Variants in MCU observed in about 807,000 individuals in gnomAD.
MCU encodes mitochondrial calcium uniporter.
In MCU, 12 loss-of-function variants were observed where a neutral mutation model predicts 45.2. That is an observed-to-expected ratio of 0.27 (90% CI 0.17 to 0.43). The LOEUF (loss-of-function observed/expected upper bound fraction) is 0.43, where lower values mean the gene tolerates loss of function less well. Among genes scored for constraint, MCU ranks in the 20% least tolerant of loss-of-function variants. The pLI is 1.00. For synonymous variants in MCU, 160 were observed against 165.1 expected (o/e 0.97, Z 0.24); for missense variants, 324 against 436.7 (o/e 0.74, Z 2.30).
intron 1 of MCU, among the ~76,000 whole-genome samples, chr10:72,776,194 A>T (rs897337267): frequency 6.6e-6 from 1 of 151,966 alleles, no homozygotes; most frequent in African/African-American, 2.4e-5. Flanking sequence ...ATTGAAGAGG[A>T]GATAATACTT....
chr10:72,757,058 G>T (rs1419602660), intron 1 of MCU: 2 of 151,646 alleles, frequency 1.3e-5, no homozygotes, highest in African/African-American at 4.8e-5. Flanking sequence ...GTACATAAGT[G>T]TATGAAAAAG....
chr10:72,864,407 G>T (rs374984022), intron 4 of MCU, among the ~76,000 whole-genome samples: 1 of 152,166 alleles, frequency 6.6e-6, no homozygotes, highest in Non-Finnish European at 1.5e-5. Flanking sequence ...GATACGTACC[G>T]TAGACTGAGG....
intron 1 of MCU, among the ~76,000 whole-genome samples, chr10:72,765,173 G>A (rs1012693722): frequency 3.3e-5 from 5 of 151,614 alleles, no homozygotes; most frequent in Admixed American, 6.6e-5. Flanking sequence ...CCTTAACCTC[G>A]GTCTATAAAT....
intron 1 of MCU, among the ~76,000 whole-genome samples, chr10:72,734,485 A>G (rs1302105851): frequency 6.6e-6 from 1 of 152,206 alleles, no homozygotes; most frequent in Non-Finnish European, 1.5e-5. Context: ...TTAAAATTAT[A>G]TATGTGGCTC....
At chr10:72,788,224 T>C (rs1844105202) in intron 1 of MCU, among the ~76,000 whole-genome samples, 1 of 152,232 alleles carries the variant, frequency 6.6e-6, no homozygotes. Context: ...ACTATGAGTA[T>C]ATGACTCCAG....
At chr10:72,852,609 G>A (rs1321725512) in intron 2 of MCU, among the ~76,000 whole-genome samples, 1 of 152,202 alleles carries the variant, frequency 6.6e-6, no homozygotes, top group East Asian at 1.9e-4. Context: ...TGAGTTTACA[G>A]CCTGAGGCGG....
rs1329383900 is a variant in MCU, at chr10:72,706,206, GT to G, written c.150+13906del. Among the ~76,000 whole-genome samples, 11 of 148,700 alleles carry G rather than the reference GT, an allele frequency of 7.4e-5. 1 individual carries two copies. The South Asian group carries it at 2.3e-3, about 31-fold the overall frequency. ...TTTCCTTTAGGGACTATTGAGCATT[GT>G]ATGATGGTCTTATCTTTTTTTTTTT... On this transcript the variant is annotated intron_variant, in intron 1 of 7. Transcript: ENST00000373053.
chr10:72,754,127 A>G (rs1843541244), intron 1 of MCU, among the ~76,000 whole-genome samples: 1 of 152,186 alleles, frequency 6.6e-6, no homozygotes, highest in South Asian at 2.1e-4. Context: ...TGAGGAAGCC[A>G]AACTTCCTCT....
chr10:72,708,475 T>C (rs1456682399), intron 1 of MCU: 1 of 152,220 alleles, frequency 6.6e-6, no homozygotes. Context: ...ATCCTAGGTG[T>C]GAAAACCTTA....
intron 1 of MCU, among the ~76,000 whole-genome samples, chr10:72,714,027 C>T (rs1282501157): frequency 2.7e-5 from 4 of 150,750 alleles, no homozygotes; most frequent in Non-Finnish European, 5.9e-5. Flanking sequence ...AGTGCAATGG[C>T]GCGATCTTGG....
rs543276683 is a variant in MCU, at chr10:72,785,807, G to T, written c.151-48552G>T. Among the ~76,000 whole-genome samples, 6 of 152,300 alleles carry T rather than the reference G, an allele frequency of 3.9e-5. No individual in the cohort carries two copies. The South Asian group carries it at 1.2e-3, about 32-fold the overall frequency. On this transcript the variant is annotated intron_variant, in intron 1 of 7. Coordinates refer to ENST00000373053, the MANE Select transcript of MCU (RefSeq NM_138357.3). Reference sequence around the variant, plus strand: ...TAATTTAGTGTCAATTGTCAATGTCGTAGTAGAAATGGATGAAGAAAATCC... The same window carrying T: ...TAATTTAGTGTCAATTGTCAATGTCTTAGTAGAAATGGATGAAGAAAATCC...
intron 1 of MCU, among the ~76,000 whole-genome samples, chr10:72,775,071 AC>A (rs1158591140): frequency 2.0e-5 from 3 of 152,110 alleles, no homozygotes; most frequent in Non-Finnish European, 2.9e-5. Flanking sequence ...AGAACATTTC[AC>A]CCAAATGCTG....
chr10:72,865,984 A>C (rs183611830), intron 4 of MCU, among the ~76,000 whole-genome samples: 1 of 150,582 alleles, frequency 6.6e-6, no homozygotes, highest in African/African-American at 2.4e-5. Context: ...TCACCATGTT[A>C]GCCAGAATGG....
intron 1 of MCU, among the ~76,000 whole-genome samples, chr10:72,714,345 C>CTTTTTTTTTTTGTT (rs1842932150): frequency 1.8e-5 from 1 of 54,768 alleles, no homozygotes; most frequent in African/African-American, 6.4e-5. Context: ...CCGCCCTGGT[C>CTTTTTTTTTTTGTT]TTTTTTTTTT....
rs558056274 is a variant in MCU at position 72,815,064 on chromosome 10, A to G, written c.151-19295A>G. Among the ~76,000 whole-genome samples, 11 of 152,358 alleles carry G rather than the reference A, an allele frequency of 7.2e-5. 1 individual carries two copies. In the South Asian group the frequency reaches 2.3e-3, roughly 32 times the overall value. Reference sequence around the variant, plus strand: ...TTAAGAAAATACAGATATAAAAATTATAGAGAAAATGATAAGGGGAAACAA... The same window carrying G: ...TTAAGAAAATACAGATATAAAAATTGTAGAGAAAATGATAAGGGGAAACAA... On this transcript the variant is annotated intron_variant, in intron 1 of 7. Transcript: ENST00000373053.
intron 1 of MCU, among the ~76,000 whole-genome samples, chr10:72,747,393 A>G (rs1255192097): frequency 2.0e-5 from 3 of 152,242 alleles, no homozygotes; most frequent in Admixed American, 2.0e-4. Context: ...GTTTTAAAAA[A>G]TATGTTAAAG....
rs775940055 is a variant in MCU at position 72,887,590 on chromosome 10, CAAAT to C, written c.*1770_*1773del. On this transcript the variant is annotated 3_prime_UTR_variant, in exon 8 of 8. Coordinates refer to ENST00000373053, the MANE Select transcript of MCU (RefSeq NM_138357.3). Reference sequence around the variant, plus strand: ...AGGACATGGAGAAAAGTTCTTTAAACAAATAGCAAACTATTGAACATGTGTAAAA... The same window carrying C: ...AGGACATGGAGAAAAGTTCTTTAAACAGCAAACTATTGAACATGTGTAAAA... The C allele has an allele frequency of 6.5e-6, 1 of 152,684 alleles. No homozygotes were observed. Among genetic ancestry groups the C allele is most frequent in the Non-Finnish European group, 1.5e-5 (1 of 68,018 alleles). 9.5% of individuals were successfully genotyped at this position (152,684 alleles called of 1,614,324 possible).
chr10:72,859,150 A>G, intron 2 of MCU, 27 bp from the exon 3 acceptor site: 1 of 1,537,854 alleles, frequency 6.5e-7, no homozygotes, highest in Non-Finnish European at 8.8e-7. Context: ...TCCAATTATC[A>G]TATGTTTGTG....
intron 1 of MCU, among the ~76,000 whole-genome samples, chr10:72,693,644 T>C (rs1175007639): frequency 6.6e-6 from 1 of 152,232 alleles, no homozygotes; most frequent in Non-Finnish European, 1.5e-5. Context: ...GTATGGACCC[T>C]ATCCTCATTC....
Sources: gnomAD v4.1 joint callset for allele counts (sites outside exome capture counted in the v4.1 genomes callset) on GRCh38, gnomAD v4.1.1 for gene constraint, MANE v1.5 for transcripts, NCBI Gene and HGNC (gene_info 2026-07-23, HGNC 2026-07-21) for gene names.